RBFOX1: variants seen among roughly 807,000 people sequenced by gnomAD.
RBFOX1 encodes RNA binding fox-1 homolog 1.
A neutral mutation model predicts 57.7 loss-of-function variants in RBFOX1; 8 were observed. The observed-to-expected ratio is 0.14, with a 90% CI of 0.08 to 0.25. The LOEUF (loss-of-function observed/expected upper bound fraction) is 0.25. Ranked by LOEUF, RBFOX1 falls within the 10% of genes least tolerant of loss-of-function variation. The pLI is 1.00. For synonymous variants in RBFOX1, 326 were observed against 222.4 expected, an observed-to-expected ratio of 1.47 and a Z score of -4.15; for missense variants, 611 against 548.5, an observed-to-expected ratio of 1.11 and a Z score of -1.14.
chr16:7,285,451 C>T (rs1480777255), intron 4 of RBFOX1, among the ~76,000 whole-genome samples: 1 of 151,858 alleles, frequency 6.6e-6, no homozygotes, highest in Non-Finnish European at 1.5e-5. Context: ...TTTTACCGCA[C>T]ATGTAGGTCT....
intron 4 of RBFOX1, among the ~76,000 whole-genome samples, chr16:7,162,020 G>A (rs538432161): frequency 9.9e-5 from 15 of 152,238 alleles, no homozygotes; most frequent in African/African-American, 3.4e-4. Context: ...TTTCCCACTG[G>A]GGCTGACATT....
At chr16:7,492,259 T>C (rs904724426) in intron 4 of RBFOX1, among the ~76,000 whole-genome samples, 1 of 152,226 alleles carries the variant, frequency 6.6e-6, no homozygotes, top group African/African-American at 2.4e-5. Flanking sequence ...ATAAAAGGAA[T>C]GCAGATTAGC....
intron 3 of RBFOX1, among the ~76,000 whole-genome samples, chr16:6,933,248 G>A (rs2076845475): frequency 6.6e-6 from 1 of 152,214 alleles, no homozygotes; most frequent in Non-Finnish European, 1.5e-5. Context: ...TGTCTTGGGT[G>A]TATAGCTGCA....
chr16:6,213,038 C>A (rs986971955), intron 1 of RBFOX1, among the ~76,000 whole-genome samples: 1 of 152,228 alleles, frequency 6.6e-6, no homozygotes, highest in East Asian at 1.9e-4. Context: ...TGCGTTGTAA[C>A]CTTGTAGGCT....
chr16:5,727,400 G>A (rs888776312), intron 3 of RBFOX1, among the ~76,000 whole-genome samples: 1 of 152,194 alleles, frequency 6.6e-6, no homozygotes, highest in African/African-American at 2.4e-5. Context: ...TAAGGTGTAC[G>A]ATGTGATGCT....
chr16:7,664,729 C>T (rs1267164648), intron 12 of RBFOX1, 200 bp from the exon 13 acceptor site: 9 of 856,786 alleles, frequency 1.1e-5, no homozygotes, highest in African/African-American at 3.4e-5. Flanking sequence ...AATTCTGGGC[C>T]AACACCAAAG....
chr16:6,145,850 T>A (rs865809959), intron 1 of RBFOX1, among the ~76,000 whole-genome samples: 3 of 152,306 alleles, frequency 2.0e-5, no homozygotes, highest in African/African-American at 7.2e-5. Context: ...ATGGTGTTGC[T>A]TTTCTTGTAT....
chr16:5,260,192 C>T (rs1467151397), intron 1 of RBFOX1, among the ~76,000 whole-genome samples: 2 of 152,046 alleles, frequency 1.3e-5, no homozygotes, highest in Non-Finnish European at 2.9e-5. Flanking sequence ...GATTGTTTAA[C>T]CACCACCAAA....
intron 4 of RBFOX1, among the ~76,000 whole-genome samples, chr16:7,409,801 C>G (rs1404598469): frequency 1.3e-5 from 2 of 152,130 alleles, no homozygotes; most frequent in Non-Finnish European, 2.9e-5. Flanking sequence ...TGCTGAAGGT[C>G]AGGAGCTGTG....
chr16:5,439,045 A>C (rs2068003718), intron 1 of RBFOX1, among the ~76,000 whole-genome samples: 1 of 145,982 alleles, frequency 6.9e-6, no homozygotes, highest in East Asian at 2.1e-4. Flanking sequence ...GGGGGGGGGC[A>C]TAGTGATTTT....
chr16:6,612,302 C>CAACTTTG (rs1268035526), intron 2 of RBFOX1, among the ~76,000 whole-genome samples: 1 of 152,014 alleles, frequency 6.6e-6, no homozygotes, highest in African/African-American at 2.4e-5. Context: ...ACTAAGAAAC[C>CAACTTTG]AACTTTGGGA....
At chr16:6,214,751 AGG>A (rs2097322941) in intron 1 of RBFOX1, among the ~76,000 whole-genome samples, 1 of 65,892 alleles carries the variant, frequency 1.5e-5, no homozygotes, top group Non-Finnish European at 2.9e-5. Flanking sequence ...GAGAAGGAGA[AGG>A]GGAGAGAGAA....
intron 2 of RBFOX1, among the ~76,000 whole-genome samples, chr16:6,509,253 C>T (rs938806553): frequency 6.6e-5 from 10 of 152,008 alleles, no homozygotes; most frequent in South Asian, 2.1e-4. Flanking sequence ...TTTTCCTATG[C>T]GGTTATTTGA....
intron 1 of RBFOX1, among the ~76,000 whole-genome samples, chr16:6,067,984 T>C (rs1263550590): frequency 1.3e-5 from 2 of 152,224 alleles, no homozygotes; most frequent in Non-Finnish European, 2.9e-5. Flanking sequence ...GTGTTCATTT[T>C]ACAGGGAAAA....
intron 4 of RBFOX1, among the ~76,000 whole-genome samples, chr16:7,297,820 C>T (rs959518424): frequency 1.2e-4 from 18 of 151,566 alleles, no homozygotes; most frequent in African/African-American, 4.1e-4. Context: ...AAATTGAAAT[C>T]CCCCCCAATA....
intron 1 of RBFOX1, among the ~76,000 whole-genome samples, chr16:6,107,423 A>G (rs1237292299): frequency 6.6e-6 from 1 of 152,092 alleles, no homozygotes; most frequent in Admixed American, 6.6e-5. Flanking sequence ...TTTGTTTAGT[A>G]AGACACACTC....
intron 3 of RBFOX1, among the ~76,000 whole-genome samples, chr16:6,926,792 C>A (rs919294499): frequency 6.6e-6 from 1 of 152,142 alleles, no homozygotes; most frequent in Admixed American, 6.5e-5. Context: ...CTCTTGAGTT[C>A]TTAAAATTAT....
intron 2 of RBFOX1, among the ~76,000 whole-genome samples, chr16:5,472,028 G>C (rs2069153618): frequency 6.6e-6 from 1 of 152,076 alleles, no homozygotes; most frequent in Non-Finnish European, 1.5e-5. Context: ...TTATTCCTTT[G>C]ATCTCCTTGC....
At chr16:7,424,192 A>C (rs561694713) in intron 4 of RBFOX1, among the ~76,000 whole-genome samples, 3 of 152,082 alleles carry the variant, frequency 2.0e-5, no homozygotes, top group African/African-American at 7.2e-5. Flanking sequence ...CATTTTTTTT[A>C]AAAGAAGTGC....
Sources: allele counts gnomAD v4.1 joint callset (sites outside exome capture counted in the v4.1 genomes callset), GRCh38; gene constraint gnomAD v4.1.1; transcripts MANE v1.5; gene names NCBI Gene and HGNC (gene_info 2026-07-23, HGNC 2026-07-21).